SLC39A11: variants seen among roughly 807,000 people sequenced by gnomAD.
The protein encoded by SLC39A11 is solute carrier family 39 member 11.
A neutral mutation model predicts 36.1 loss-of-function variants in SLC39A11; 33 were observed. That is an observed-to-expected ratio of 0.91 (90% CI 0.69 to 1.22). The LOEUF (loss-of-function observed/expected upper bound fraction) is 1.22, where lower values mean the gene tolerates loss of function less well. Among genes scored for constraint, SLC39A11 ranks in the 50% most tolerant of loss-of-function variants. SLC39A11 has a pLI of 0.00. For synonymous variants in SLC39A11, 166 were observed against 170.3 expected, an observed-to-expected ratio of 0.97 and a Z score of 0.20; for missense variants, 432 against 430.3, an observed-to-expected ratio of 1.00 and a Z score of -0.03.
At chr17:73,001,724 G>T (rs1568100571) in intron 4 of SLC39A11, among the ~76,000 whole-genome samples, 1 of 152,180 alleles carries the variant, frequency 6.6e-6, no homozygotes, top group South Asian at 2.1e-4. Context: ...TACAAGTCCA[G>T]CAAGCAAGGT....
chr17:73,014,669 G>T (rs116183531), intron 4 of SLC39A11, among the ~76,000 whole-genome samples: 1 of 152,162 alleles, frequency 6.6e-6, no homozygotes, highest in East Asian at 1.9e-4. Context: ...AAAACCATGC[G>T]GATGGGCACA....
chr17:72,808,592 T>C (rs943668728), intron 6 of SLC39A11, among the ~76,000 whole-genome samples: 4 of 152,320 alleles, frequency 2.6e-5, no homozygotes, highest in East Asian at 1.9e-4. Context: ...TGTTTTTCTA[T>C]AATCCCTTGC....
chr17:72,744,924 C>T (rs2074866306), intron 6 of SLC39A11, among the ~76,000 whole-genome samples: 1 of 152,202 alleles, frequency 6.6e-6, no homozygotes, highest in Non-Finnish European at 1.5e-5. Flanking sequence ...TCACTGCAAC[C>T]TCTACCTCCC....
intron 6 of SLC39A11, among the ~76,000 whole-genome samples, chr17:72,760,798 T>C (rs140505483): frequency 6.6e-6 from 1 of 152,284 alleles, no homozygotes; most frequent in Non-Finnish European, 1.5e-5. Context: ...CATGGAAGGC[T>C]GTGTACTCAT....
chr17:73,003,744 G>A (rs949980825), intron 4 of SLC39A11, among the ~76,000 whole-genome samples: 10 of 152,072 alleles, frequency 6.6e-5, no homozygotes, highest in Admixed American at 2.6e-4. Flanking sequence ...ACCAAGATCC[G>A]GGATAATCAC....
At chr17:72,668,249 C>T (rs1598286373) in intron 7 of SLC39A11, among the ~76,000 whole-genome samples, 1 of 151,524 alleles carries the variant, frequency 6.6e-6, no homozygotes, top group South Asian at 2.1e-4. Context: ...TCACTGGCTT[C>T]TAGCACATAC....
intron 5 of SLC39A11, among the ~76,000 whole-genome samples, chr17:72,903,443 C>T (rs972361009): frequency 2.0e-5 from 3 of 152,114 alleles, no homozygotes; most frequent in Non-Finnish European, 2.9e-5. Context: ...CCTAAGACCC[C>T]GATTCAGACA....
intron 3 of SLC39A11, among the ~76,000 whole-genome samples, chr17:73,049,667 T>C (rs1265189431): frequency 2.6e-5 from 4 of 152,198 alleles, no homozygotes; most frequent in Non-Finnish European, 5.9e-5. Flanking sequence ...TTCTGCAATA[T>C]TTTTCAAGTG....
chr17:73,020,267 A>G (rs576415433), intron 4 of SLC39A11, among the ~76,000 whole-genome samples: 1 of 152,332 alleles, frequency 6.6e-6, no homozygotes, highest in Non-Finnish European at 1.5e-5. Flanking sequence ...TTAGGGTTAC[A>G]TGAAGTCATG....
In SLC39A11 at chr17:72,936,432, A is replaced by T. The variant is rs867290690; in HGVS notation, c.430+11320T>A. On this transcript the variant is annotated intron_variant, in intron 5 of 9. Coordinates refer to ENST00000255559, the MANE Select transcript of SLC39A11 (RefSeq NM_139177.4). ...AAAGTAAAAAAAAAAAAAAAAAAAAAAAAAAAAAAATTCCCCTGGCAATTA... is the reference window on the plus strand; with the variant it reads ...AAAGTAAAAAAAAAAAAAAAAAAAATAAAAAAAAAATTCCCCTGGCAATTA... Among the ~76,000 whole-genome samples the T allele has an allele frequency of 1.0e-3, 157 of 149,524 alleles. 1 individual carries two copies. The highest frequency in any genetic ancestry group is 3.7e-3 in the African/African-American group (148 of 39,822).
At chr17:72,654,638 C>T (rs955628259) in intron 7 of SLC39A11, among the ~76,000 whole-genome samples, 12 of 152,200 alleles carry the variant, frequency 7.9e-5, no homozygotes, top group African/African-American at 2.9e-4. Flanking sequence ...GTGAATACAA[C>T]CAGCTTCCTT....
intron 3 of SLC39A11, chr17:73,067,766 G>A: frequency 1.0e-6 from 1 of 972,584 alleles, no homozygotes; most frequent in Non-Finnish European, 1.6e-6. Context: ...GTACTGAATA[G>A]ATCACATCTG....
At chr17:72,878,075 T>C (rs531804049) in intron 5 of SLC39A11, among the ~76,000 whole-genome samples, 1 of 150,092 alleles carries the variant, frequency 6.7e-6, no homozygotes, top group African/African-American at 2.4e-5. Flanking sequence ...CGGTGTTTGG[T>C]TTTTTGTCCT....
chr17:72,796,146 T>A (rs1438113158), intron 6 of SLC39A11, among the ~76,000 whole-genome samples: 1 of 152,188 alleles, frequency 6.6e-6, no homozygotes, highest in African/African-American at 2.4e-5. Flanking sequence ...AGCCCTGGGC[T>A]GAGCCTCAGG....
intron 6 of SLC39A11, among the ~76,000 whole-genome samples, chr17:72,800,301 T>C (rs11651804): frequency 6.9e-6 from 1 of 144,432 alleles, no homozygotes; most frequent in Non-Finnish European, 1.5e-5. Flanking sequence ...AAACCTACAA[T>C]AATTTTTTTT....
At chr17:73,052,482 T>C (rs999588171) in intron 3 of SLC39A11, among the ~76,000 whole-genome samples, 32 of 151,906 alleles carry the variant, frequency 2.1e-4, no homozygotes, top group Admixed American at 5.9e-4. Flanking sequence ...AGTGAGAGAT[T>C]AAGTCCAGGA....
intron 6 of SLC39A11, among the ~76,000 whole-genome samples, chr17:72,793,196 G>A (rs1348275665): frequency 6.6e-6 from 1 of 152,106 alleles, no homozygotes; most frequent in Non-Finnish European, 1.5e-5. Context: ...TGGGCTTATG[G>A]CAAAGCACCA....
intron 3 of SLC39A11, among the ~76,000 whole-genome samples, chr17:73,078,940 T>TACAC (rs34182605): frequency 2.4e-3 from 368 of 151,330 alleles, no homozygotes; most frequent in Non-Finnish European, 3.1e-3. Context: ...TGTTACATTT[T>TACAC]ACACACACAC....
rs1343856718 is a variant in SLC39A11 at position 73,090,865 on chromosome 17, C to A, written c.-12+1746G>T. Among the ~76,000 whole-genome samples the A allele has an allele frequency of 9.8e-5, 15 of 152,290 alleles. No homozygotes were observed. In the South Asian group the frequency reaches 3.1e-3, roughly 32 times the overall value. On this transcript the variant is annotated intron_variant, in intron 1 of 9. Transcript: ENST00000255559. ...AAGGGACACAGAGGGAAGACCGAGGCCACCATCCTTTCCATCCCAACAGGA... is the reference window on the plus strand; with the variant it reads ...AAGGGACACAGAGGGAAGACCGAGGACACCATCCTTTCCATCCCAACAGGA...
Sources: allele counts gnomAD v4.1 joint callset (sites outside exome capture counted in the v4.1 genomes callset), GRCh38; gene constraint gnomAD v4.1.1; transcripts MANE v1.5; gene names NCBI Gene and HGNC (gene_info 2026-07-23, HGNC 2026-07-21).